The following VAV2 variants were observed in gnomAD, a reference collection of about 807,000 sequenced individuals.
VAV2 encodes the protein guanine nucleotide exchange factor VAV2.
In VAV2, 67 loss-of-function variants were observed where a neutral mutation model predicts 132.5. The observed-to-expected ratio is 0.51, with a 90% CI of 0.42 to 0.62. The LOEUF (loss-of-function observed/expected upper bound fraction) is 0.62, where lower values mean the gene tolerates loss of function less well. Among genes scored for constraint, VAV2 ranks in the 20% least tolerant of loss-of-function variants. VAV2 has a pLI of 0.00. For synonymous variants in VAV2, 492 were observed against 443.5 expected (o/e 1.11, Z -1.37); for missense variants, 938 against 1,153.6 (o/e 0.81, Z 2.71).
In VAV2 at chr9:133,796,485, G is replaced by C; in HGVS notation, c.976C>G (p.Gln326Glu). Residue 326 changes from glutamine (Q) to glutamate (E), a missense_variant, in exon 11 of 30, where the codon CAA (glutamine) becomes GAA (glutamate). Coordinates refer to ENST00000371850, the MANE Select transcript of VAV2 (RefSeq NM_001134398.2). ...LKVQDGKFKLQDLLVVPMQRV... is the reference protein window; with the variant it reads ...LKVQDGKFKLEDLLVVPMQRV... Reference sequence around the variant, plus strand: ...TGCATGGGGACCACCAGCAGGTCTTGCAGCTTAAATTTTCCATCCTGGACC... The same window carrying C: ...TGCATGGGGACCACCAGCAGGTCTTCCAGCTTAAATTTTCCATCCTGGACC... 6.2e-7 allele frequency: 1 copy of C among 1,613,862 alleles called. No homozygotes were observed. Among genetic ancestry groups the C allele is most frequent in the Non-Finnish European group, 8.5e-7 (1 of 1,179,958 alleles).
rs1352531798 is a variant in VAV2 at position 133,926,979 on chromosome 9, T to C, written c.321+12124A>G. 6.6e-6 allele frequency among the ~76,000 whole-genome samples: 1 copy of C among 152,106 alleles called. No homozygotes were observed. Among genetic ancestry groups the C allele is most frequent in the East Asian group, 1.9e-4 (1 of 5,186 alleles). ...GCCATCTCAGAAAAATCAATGCAAT[T>C]CTGCAAACACCGGGCAGCCTGTCAC... On this transcript the variant is annotated intron_variant, in intron 2 of 29. Coordinates refer to ENST00000371850, the MANE Select transcript of VAV2 (RefSeq NM_001134398.2). The surrounding 1 kb of genome is among the most constrained non-coding windows in gnomAD (Gnocchi z 4.3).
chr9:133,893,024 T>A lies in VAV2; in HGVS notation c.322-31592A>T, dbSNP rs955658640. Reference sequence around the variant, plus strand: ...GTGAGGAGCAGGTTTTGCTGGGCGGTGAGGGGCCCTGGCCCTTAGACACGC... The same window carrying A: ...GTGAGGAGCAGGTTTTGCTGGGCGGAGAGGGGCCCTGGCCCTTAGACACGC... On this transcript the variant is annotated intron_variant, in intron 2 of 29. Transcript: ENST00000371850. Among the ~76,000 whole-genome samples, 14 of 152,258 alleles carry A rather than the reference T, an allele frequency of 9.2e-5. No individual in the cohort carries two copies. The South Asian group carries it at 2.7e-3, about 29-fold the overall frequency.
At chr9:133,905,433 C>CAAAAAAAAAA (rs5901029) in intron 2 of VAV2, among the ~76,000 whole-genome samples, 22 of 113,284 alleles carry the variant, frequency 1.9e-4, no homozygotes, top group African/African-American at 7.1e-4. Context: ...GAAACTGTCT[C>CAAAAAAAAAA]AAAAAAAAAA....
chr9:133,784,457 G>A, intron 17 of VAV2, 39 bp from the exon 18 acceptor site: 2 of 1,608,196 alleles, frequency 1.2e-6, no homozygotes, highest in Non-Finnish European at 1.7e-6. Flanking sequence ...ACACCCACTG[G>A]ATTCCCCGAG....
rs182632871 is a variant in VAV2, at chr9:133,834,123, C to T, written c.449+149G>A. 1.2e-3 allele frequency: 998 copies of T among 822,162 alleles called. 8 individuals are homozygous for T. In the African/African-American group the frequency reaches 0.016, roughly 13 times the overall value. 50.9% of individuals were successfully genotyped at this position (822,162 alleles called of 1,614,324 possible). On this transcript the variant is annotated intron_variant, in intron 4 of 29. Coordinates refer to ENST00000371850, the MANE Select transcript of VAV2 (RefSeq NM_001134398.2). The surrounding 1 kb of genome is among the most constrained non-coding windows in gnomAD (Gnocchi z 5.9). ...TCAGCACGGAAGCCCACACCATGAC[C>T]CATCATGAGGAGATGCCCCGGTGGG...
chr9:133,892,013 G>A (rs1306368586), intron 2 of VAV2, among the ~76,000 whole-genome samples: 2 of 137,636 alleles, frequency 1.5e-5, no homozygotes, highest in Non-Finnish European at 3.1e-5. Flanking sequence ...GGATGGAGGA[G>A]AGGGACAAAG....
At position 133,948,246 on chromosome 9, in the gene VAV2, C is replaced by A. The variant is rs3780783; in HGVS notation, c.205-9027G>T. 9.9e-3 allele frequency among the ~76,000 whole-genome samples: 1,510 copies of A among 152,344 alleles called. 92 individuals are homozygous for A. In the East Asian group the frequency reaches 0.17, roughly 18 times the overall value. ...AGTTGATTTTGTCTGGACAATTGAACTTCCTTCGCTCGGGCCCATTTCCTC... is the reference window on the plus strand; with the variant it reads ...AGTTGATTTTGTCTGGACAATTGAAATTCCTTCGCTCGGGCCCATTTCCTC... On this transcript the variant is annotated intron_variant, in intron 1 of 29. Transcript: ENST00000371850.
intron 1 of VAV2, among the ~76,000 whole-genome samples, chr9:133,943,886 G>T (rs997311128): frequency 6.6e-6 from 1 of 152,260 alleles, no homozygotes; most frequent in African/African-American, 2.4e-5. Context: ...AATCGGATTA[G>T]TGTGGTGACA....
Position 133,991,991 on chromosome 9 carries a change from C to G in VAV2, c.204+84G>C. 1 of 1,183,624 alleles carries G rather than the reference C, an allele frequency of 8.4e-7. No homozygotes were observed. The highest frequency in any genetic ancestry group is 1.1e-6 in the Non-Finnish European group (1 of 940,092). 73.3% of individuals were successfully genotyped at this position (1,183,624 alleles called of 1,614,324 possible). ...CCCAGCCAGGGCGCCTGGGCCGCCGCCGCTGCGACCTCCGCGTTCAGTCCG... is the reference window on the plus strand; with the variant it reads ...CCCAGCCAGGGCGCCTGGGCCGCCGGCGCTGCGACCTCCGCGTTCAGTCCG... On this transcript the variant is annotated intron_variant, in intron 1 of 29. Coordinates refer to ENST00000371850, the MANE Select transcript of VAV2 (RefSeq NM_001134398.2). This position sits in a 1 kb window ranked among gnomAD's most constrained non-coding sequence, Gnocchi z 4.8.
chr9:133,786,529 C>T (rs1337629690), intron 16 of VAV2, among the ~76,000 whole-genome samples: 1 of 151,948 alleles, frequency 6.6e-6, no homozygotes, highest in East Asian at 1.9e-4. Context: ...CAGGGCCCCA[C>T]CCAGGGCCCC....
Position 133,806,200 on chromosome 9 carries a change from G to GT in VAV2, c.736-20dup, listed in dbSNP as rs1564365363. 2 of 1,605,020 alleles carry GT rather than the reference G, an allele frequency of 1.2e-6. No individual in the cohort carries two copies. The highest frequency in any genetic ancestry group is 2.3e-5 in the East Asian group (1 of 44,292). ...TCAGGTCCTGGGTTGAAAACCAGCC[G>GT]TGAGTGCCTGGCCAGGCCCACCCAA... On this transcript the variant is annotated intron_variant, in intron 8 of 29. Transcript: ENST00000371850.
chr9:133,884,961 T>G lies in VAV2; in HGVS notation c.322-23529A>C, dbSNP rs1838643859. On this transcript the variant is annotated intron_variant, in intron 2 of 29. Transcript: ENST00000371850. The surrounding 1 kb of genome is among the most constrained non-coding windows in gnomAD (Gnocchi z 5.3). The stretch of plus-strand genomic sequence containing the variant: ...ATGAACCCACCTGAGCCAGCCACAG[T>G]GACAGGTGGAGCCTAGATCATTCCA... Among the ~76,000 whole-genome samples, 1 of 152,140 alleles carries G rather than the reference T, an allele frequency of 6.6e-6. No homozygotes were observed. Among genetic ancestry groups the G allele is most frequent in the African/African-American group, 2.4e-5 (1 of 41,436 alleles).
intron 1 of VAV2, among the ~76,000 whole-genome samples, chr9:133,967,034 CAAAAA>C (rs71380266): frequency 1.9e-5 from 2 of 106,184 alleles, no homozygotes; most frequent in Non-Finnish European, 3.7e-5. Context: ...GACTTTGTCT[CAAAAA>C]AAAAAAAAAA....
At chr9:133,910,683 G>A (rs1395330339) in intron 2 of VAV2, among the ~76,000 whole-genome samples, 3 of 151,826 alleles carry the variant, frequency 2.0e-5, no homozygotes, top group African/African-American at 7.2e-5. Flanking sequence ...ACTTAGCCGA[G>A]CGTGGTGGCG....
At chr9:133,972,766 G>A (rs117119627) in intron 1 of VAV2, among the ~76,000 whole-genome samples, 3,030 of 152,226 alleles carry the variant, frequency 0.02, 44 homozygotes, top group Non-Finnish European at 0.029. Context: ...ACCCACTCCT[G>A]GAGGCGTCAG....
intron 1 of VAV2, among the ~76,000 whole-genome samples, chr9:133,983,122 G>A (rs1490530968): frequency 6.6e-6 from 1 of 152,206 alleles, no homozygotes; most frequent in African/African-American, 2.4e-5. Context: ...CTAGGGGCTC[G>A]GGTCTGGGCA....
chr9:133,979,182 C>T (rs527244603), intron 1 of VAV2, among the ~76,000 whole-genome samples: 19 of 152,318 alleles, frequency 1.2e-4, no homozygotes, highest in African/African-American at 3.4e-4. Context: ...GGAGACATGT[C>T]CGCCGAGCAC....
rs141466183 is a variant in VAV2, at chr9:133,961,533, C to T, written c.205-22314G>A. Among the ~76,000 whole-genome samples, 3 of 152,166 alleles carry T rather than the reference C, an allele frequency of 2.0e-5. No homozygotes were observed. Among genetic ancestry groups the T allele is most frequent in the African/African-American group, 4.8e-5 (2 of 41,436 alleles). On this transcript the variant is annotated intron_variant, in intron 1 of 29. Coordinates refer to ENST00000371850, the MANE Select transcript of VAV2 (RefSeq NM_001134398.2). The surrounding 1 kb of genome is among the most constrained non-coding windows in gnomAD (Gnocchi z 4.1). ...ATGGAGGGAGCCCTTTCCCACCCCC[C>T]GCTCAACAGGAACACAGCTGCTTCA...
At chr9:133,835,411 G>A (rs1836430902) in intron 3 of VAV2, among the ~76,000 whole-genome samples, 2 of 150,516 alleles carry the variant, frequency 1.3e-5, no homozygotes, top group Admixed American at 1.3e-4. Context: ...GGAAGGGAGG[G>A]AGGGGTGGGG....
Sources: gnomAD v4.1 joint callset for allele counts (sites outside exome capture counted in the v4.1 genomes callset) on GRCh38, gnomAD v4.1.1 for gene constraint, Gnocchi (gnomAD v3.1) non-coding constraint, MANE v1.5 for transcripts, NCBI Gene and HGNC (gene_info 2026-07-23, HGNC 2026-07-21) for gene names.